ERCC2: variants seen among roughly 807,000 people sequenced by gnomAD.
ERCC2 encodes general transcription and DNA repair factor IIH helicase subunit XPD.
A neutral mutation model predicts 99.4 loss-of-function variants in ERCC2; 90 were observed. The ratio of observed to expected loss-of-function variants is 0.91; its 90% CI spans 0.76 to 1.08. The LOEUF is 1.08. Among genes scored for constraint, ERCC2 ranks in the 50% least tolerant of loss-of-function variants. The pLI, the probability that ERCC2 is intolerant of heterozygous loss-of-function variation, is 0.00. For missense variants in ERCC2, 993 were observed against 1,038.1 expected (o/e 0.96, Z 0.60); for synonymous variants, 497 against 432.4 (o/e 1.15, Z -1.85).
rs370383029 is a variant in ERCC2, at chr19:45,354,450, G to T, written c.1665+280C>A. Among the ~76,000 whole-genome samples the T allele has an allele frequency of 3.9e-5, 6 of 152,314 alleles. No homozygotes were observed. The East Asian group carries it at 1.2e-3, about 29-fold the overall frequency. On this transcript the variant is annotated intron_variant, in intron 17 of 22. Coordinates refer to ENST00000391945, the MANE Select transcript of ERCC2 (RefSeq NM_000400.4). ...GGGATGGGTAACCCCAAAAGCAGCA[G>T]AGAAGCAAGGAACCTAGAACGTGGG...
At position 45,369,118 on chromosome 19, in the gene ERCC2, G is replaced by A. The variant is rs1351211430; in HGVS notation, c.135C>T (p.Gly45=). ...KGHGVLEMPS[G]TGKTVSLLAL... is the part of the protein sequence containing the mutation. ...CCAACAGGGATACTGTCTTCCCGGT[G>A]CCTGAGGGCATCTCCAGGACTCCAT... The change falls in exon 3 of 23, where the codon GGC becomes GGT. Residue 45 remains glycine (G), a synonymous_variant. Transcript: ENST00000391945. 6.2e-7 allele frequency: 1 copy of A among 1,614,010 alleles called. No homozygotes were observed. The highest frequency in any genetic ancestry group is 1.3e-5 in the African/African-American group (1 of 74,926).
intron 11 of ERCC2, among the ~76,000 whole-genome samples, chr19:45,362,807 G>A (rs1016584182): frequency 6.6e-6 from 1 of 152,220 alleles, no homozygotes; most frequent in Admixed American, 6.5e-5. Flanking sequence ...ACCCACAGAG[G>A]CAGGGCAGCC....
In ERCC2 at chr19:45,351,725, C is replaced by CAG; in HGVS notation, c.2191-6_2191-5dup. 6.2e-7 allele frequency: 1 copy of CAG among 1,613,636 alleles called. No homozygotes were observed. Among genetic ancestry groups the CAG allele is most frequent in the Non-Finnish European group, 8.5e-7 (1 of 1,179,902 alleles). ...GGGACAGGCCCAGCTGATCCTCCTG[C>CAG]AGAGAACAGAGGAAAGGGAGAGGGG... is the stretch of plus-strand genomic sequence containing the variant. On this transcript the variant is annotated splice_polypyrimidine_tract_variant and splice_region_variant and intron_variant, in intron 22 of 22. Coordinates refer to ENST00000391945, the MANE Select transcript of ERCC2 (RefSeq NM_000400.4).
chr19:45,355,596 A>G (rs555273303), intron 16 of ERCC2, 69 bp downstream of exon 16: 2 of 1,325,400 alleles, frequency 1.5e-6, no homozygotes, highest in African/African-American at 2.9e-5. Context: ...CAGCAGCATG[A>G]CTCAGCCCAC....
intron 17 of ERCC2, among the ~76,000 whole-genome samples, chr19:45,353,966 A>C (rs1376490810): frequency 6.6e-6 from 1 of 152,196 alleles, no homozygotes; most frequent in African/African-American, 2.4e-5. Flanking sequence ...GTAGGACACA[A>C]AAGGCACCTG....
At chr19:45,353,016 C>A (rs1225254773) in intron 19 of ERCC2, 67 bp downstream of exon 19, 3 of 1,522,028 alleles carry the variant, frequency 2.0e-6, no homozygotes, top group Non-Finnish European at 2.7e-6. Context: ...GAGCAGACAG[C>A]AGAGCGGGCA....
At chr19:45,353,365 G>A (rs1383613228) in intron 17 of ERCC2, 31 bp from the exon 18 acceptor site, 1 of 1,522,266 alleles carries the variant, frequency 6.6e-7, no homozygotes, top group South Asian at 1.1e-5. Flanking sequence ...GTCAGGGTGG[G>A]TTCAGGGCAC....
intron 8 of ERCC2, 36 bp downstream of exon 8, chr19:45,364,388 G>T (rs948598243): frequency 1.2e-6 from 2 of 1,613,900 alleles, no homozygotes; most frequent in Non-Finnish European, 1.7e-6. Flanking sequence ...CACTCAGAGG[G>T]GCTGGCATCC....
At chr19:45,365,801 A>G (rs1199872773) in intron 5 of ERCC2, among the ~76,000 whole-genome samples, 1 of 147,218 alleles carries the variant, frequency 6.8e-6, no homozygotes, top group South Asian at 2.2e-4. Context: ...AAAAAAAAAA[A>G]GAGTAGCAAA....
chr19:45,365,212 T>C, intron 5 of ERCC2, 54 bp from the exon 6 acceptor site: 1 of 1,403,346 alleles, frequency 7.1e-7, no homozygotes, highest in Non-Finnish European at 1.0e-6. Context: ...CAACCACTCT[T>C]CAAACCCTGG....
In ERCC2 at chr19:45,352,354, T is replaced by TGTGGGCAGAAGCGCAGGCC. The variant is rs1320216739; in HGVS notation, c.2047-21_2047-3dup. 6.2e-7 allele frequency: 1 copy of TGTGGGCAGAAGCGCAGGCC among 1,613,840 alleles called. No individual in the cohort carries two copies. Among genetic ancestry groups the TGTGGGCAGAAGCGCAGGCC allele is most frequent in the Non-Finnish European group, 8.5e-7 (1 of 1,179,932 alleles). On this transcript the variant is annotated splice_polypyrimidine_tract_variant and splice_region_variant and intron_variant, in intron 21 of 22. Coordinates refer to ENST00000391945, the MANE Select transcript of ERCC2 (RefSeq NM_000400.4). ...CCGCTTGTCCCCACGGGCAAACCGC[T>TGTGGGCAGAAGCGCAGGCC]GTGGGCAGAAGCGCAGGCCAGGGAC...
intron 12 of ERCC2, among the ~76,000 whole-genome samples, chr19:45,359,153 G>A (rs1335771737): frequency 6.6e-6 from 1 of 152,076 alleles, no homozygotes; most frequent in Non-Finnish European, 1.5e-5. Context: ...GGTCAGGGAG[G>A]GCTTCCTGGA....
In ERCC2 at chr19:45,363,834, G is replaced by C; in HGVS notation, c.1027C>G (p.Arg343Gly). Reference protein sequence around the residue: ...LRRLLEYVKWRLRVQHVVQES... With the variant: ...LRRLLEYVKWGLRVQHVVQES... ...TGCACCACATGCTGCACACGCAGCC[G>C]CCACTTCACGTACTCCAGCAGCCGC... is the stretch of plus-strand genomic sequence containing the variant. Residue 343 changes from arginine to glycine, a missense_variant, in exon 11 of 23, where the codon CGG becomes GGG. Arg to Gly is a moderately radical substitution (Grantham distance 125). Around this residue, in one of 3 missense-constraint regions of ERCC2, gnomAD observed 909 missense variants for 930.8 expected, o/e 0.98. Coordinates refer to ENST00000391945, the MANE Select transcript of ERCC2 (RefSeq NM_000400.4). 6.5e-7 allele frequency: 1 copy of C among 1,546,368 alleles called. No homozygotes were observed. The highest frequency in any genetic ancestry group is 8.7e-7 in the Non-Finnish European group (1 of 1,152,592).
In ERCC2 at chr19:45,360,579, T is replaced by C. The variant is rs1450489486; in HGVS notation, c.1237+945A>G. ...TTTTAGTAGAGACAGGGTTTCACCA[T>C]GTTGGTCAGGCTGGTCTCAAACTCC... On this transcript the variant is annotated intron_variant, in intron 12 of 22. Transcript: ENST00000391945. Among the ~76,000 whole-genome samples the C allele has an allele frequency of 2.0e-5, 3 of 152,010 alleles. No homozygotes were observed. In the East Asian group the frequency reaches 5.9e-4, roughly 30 times the overall value.
chr19:45,368,497 G>A, intron 5 of ERCC2, 133 bp downstream of exon 5: 1 of 721,082 alleles, frequency 1.4e-6, no homozygotes, highest in Non-Finnish European at 2.5e-6. Context: ...TTTGACCACT[G>A]AGACGGGAAT....
intron 12 of ERCC2, among the ~76,000 whole-genome samples, chr19:45,360,447 G>A (rs1236990244): frequency 2.0e-5 from 3 of 149,342 alleles, no homozygotes; most frequent in African/African-American, 7.4e-5. Context: ...CCACAATCTT[G>A]GCTCACTGTA....
intron 4 of ERCC2, 71 bp downstream of exon 4, chr19:45,368,859 G>C (rs904272868): frequency 1.3e-6 from 2 of 1,584,690 alleles, no homozygotes; most frequent in African/African-American, 1.3e-5. Flanking sequence ...GCTGGTGACG[G>C]CCACCGCCAG....
rs756978100 is a variant in ERCC2 at position 45,350,293 on chromosome 19, G to T, written c.*1336C>A. On this transcript the variant is annotated 3_prime_UTR_variant, in exon 23 of 23. Transcript: ENST00000391945. ...AAAAAAAGGCGGGACTGGATGCAGT[G>T]TTGGGAACTGGGGTCCGAAAAGTTC... 26 of 1,372,812 alleles carry T rather than the reference G, an allele frequency of 1.9e-5. No individual in the cohort carries two copies. Among genetic ancestry groups the T allele is most frequent in the Non-Finnish European group, 2.6e-5 (25 of 973,708 alleles). The allele number at this position is 1,372,812 out of a possible 1,614,324, so 85.0% of individuals were successfully genotyped here.
intron 5 of ERCC2, among the ~76,000 whole-genome samples, chr19:45,366,960 C>T (rs372029209): frequency 1.4e-4 from 22 of 151,968 alleles, no homozygotes; most frequent in African/African-American, 3.9e-4. Context: ...ACTTGAACCT[C>T]GGAGGTGGAG....
Sources: gnomAD v4.1 joint callset for allele counts (sites outside exome capture counted in the v4.1 genomes callset) on GRCh38, gnomAD v4.1.1 for gene constraint, gnomAD v4.1.1 regional missense constraint, MANE v1.5 for transcripts, NCBI Gene and HGNC (gene_info 2026-07-23, HGNC 2026-07-21) for gene names.